The following SH2B1 variants were observed in gnomAD, a reference collection of about 807,000 sequenced individuals.
SH2B1 encodes the protein SH2B adaptor protein 1.
In SH2B1, 15 loss-of-function variants were observed where a neutral mutation model predicts 62.6. The observed-to-expected ratio is 0.24, with a 90% CI of 0.16 to 0.37. The LOEUF (loss-of-function observed/expected upper bound fraction) is 0.37, where lower values mean the gene tolerates loss of function less well. Ranked by LOEUF, SH2B1 falls within the 10% of genes least tolerant of loss-of-function variation. The probability of loss-of-function intolerance (pLI) is 1.00; values close to 1 mark genes in which losing one functional copy is unlikely to be tolerated. For missense variants in SH2B1, 925 were observed against 1,015.6 expected (o/e 0.91, Z 1.21); for synonymous variants, 443 against 438.0 (o/e 1.01, Z -0.14).
Position 28,866,646 on chromosome 16 carries a change from C to T in SH2B1, c.552C>T (p.Pro184=), listed in dbSNP as rs765188806. The T allele has an allele frequency of 2.8e-5, 45 of 1,612,872 alleles. No individual in the cohort carries two copies. Among genetic ancestry groups the T allele is most frequent in the Non-Finnish European group, 3.7e-5 (44 of 1,179,396 alleles). Residue 184 remains proline, a synonymous_variant, in exon 1 of 8, where the codon CCC becomes CCT. Coordinates refer to ENST00000684370, the MANE Select transcript of SH2B1 (RefSeq NM_001387430.1). This position sits in a 1 kb window ranked among gnomAD's most constrained non-coding sequence, Gnocchi z 6.3. ...GTVDPPSSAG[P]LETSSGPPVL... is the part of the protein sequence containing the mutation. The stretch of plus-strand genomic sequence containing the variant: ...TTGACCCTCCCTCCTCCGCTGGGCC[C>T]CTGGAGACCTCGTCAGGCCCCCCAG...
Position 28,873,903 on chromosome 16 carries a change from A to C in SH2B1, c.*83A>C. 1 of 1,281,176 alleles carries C rather than the reference A, an allele frequency of 7.8e-7. No homozygotes were observed. Among genetic ancestry groups the C allele is most frequent in the Non-Finnish European group, 1.0e-6 (1 of 1,000,732 alleles). 79.4% of individuals were successfully genotyped at this position (1,281,176 alleles called of 1,614,324 possible). On this transcript the variant is annotated 3_prime_UTR_variant, in exon 8 of 8. Transcript: ENST00000684370. This position sits in a 1 kb window ranked among gnomAD's most constrained non-coding sequence, Gnocchi z 4.2. ...CTGGGTAGGGACAGAGGAGGCCGAAATCCCTCCCCCATGCTTCCTGACCCT... is the reference window on the plus strand; with the variant it reads ...CTGGGTAGGGACAGAGGAGGCCGAACTCCCTCCCCCATGCTTCCTGACCCT...
chr16:28,868,073 C>A (rs999103737), intron 2 of SH2B1, among the ~76,000 whole-genome samples: 1 of 152,232 alleles, frequency 6.6e-6, no homozygotes, highest in Non-Finnish European at 1.5e-5. Context: ...TGATCCACCC[C>A]ACTTGGCCTC....
upstream of SH2B1, among the ~76,000 whole-genome samples, chr16:28,858,849 A>G (rs1255482793): frequency 6.6e-6 from 1 of 150,826 alleles, no homozygotes; most frequent in African/African-American, 2.4e-5. Flanking sequence ...CTGAGGCATG[A>G]GAATCACTTG....
At position 28,864,805 on chromosome 16, in the gene SH2B1, G is replaced by A; in HGVS notation, c.-1290G>A. On this transcript the variant is annotated 5_prime_UTR_variant, in exon 1 of 8. Transcript: ENST00000684370. ...CTCTAATTTCTATTTTAGAAAATTGGAACAATAATATTCTTCTCCCACATG... is the reference window on the plus strand; with the variant it reads ...CTCTAATTTCTATTTTAGAAAATTGAAACAATAATATTCTTCTCCCACATG... The A allele has an allele frequency of 2.8e-6, 1 of 356,490 alleles. No homozygotes were observed. Among genetic ancestry groups the A allele is most frequent in the Non-Finnish European group, 3.9e-6 (1 of 255,300 alleles). The allele number at this position is 356,490 out of a possible 1,614,324, so 22.1% of individuals were successfully genotyped here. A position where few individuals can be genotyped will look rare whatever the true frequency, so the allele number is the denominator to read the frequency against.
intron 1 of SH2B1, 141 bp downstream of exon 1, chr16:28,867,174 C>T (rs1962761546): frequency 7.5e-7 from 1 of 1,337,542 alleles, no homozygotes; most frequent in Non-Finnish European, 1.0e-6. Flanking sequence ...TGGCTCTTGG[C>T]TCTGTGTTAG....
At position 28,852,235 on chromosome 16, in the gene SH2B1, T is replaced by C. The variant is rs543787125; in HGVS notation, c.-301+5408T>C. Among the ~76,000 whole-genome samples the C allele has an allele frequency of 1.8e-4, 16 of 88,154 alleles. 2 individuals carry two copies. The South Asian group carries it at 6.3e-3, about 35-fold the overall frequency. The allele number at this position is 88,154 out of a possible 152,430, so 57.8% of individuals were successfully genotyped here. A position where few individuals can be genotyped will look rare whatever the true frequency, so the allele number is the denominator to read the frequency against. ...ATATATATTTACATATATATTTACA[T>C]ATATATATTTACATATATATATTTA... is the stretch of plus-strand genomic sequence containing the variant. On this transcript the variant is annotated intron_variant, in intron 1 of 10. Coordinates refer to the SH2B1 transcript ENST00000322610.
chr16:28,873,002 C>T lies in SH2B1; in HGVS notation c.1897+297C>T, dbSNP rs1056501654. ...TGTCTGTCTGTCTCCTGGACCCATCCTGGCCTCGTCTTTGCCCTCCGTCGC... is the reference window on the plus strand; with the variant it reads ...TGTCTGTCTGTCTCCTGGACCCATCTTGGCCTCGTCTTTGCCCTCCGTCGC... On this transcript the variant is annotated intron_variant, in intron 7 of 7. Transcript: ENST00000684370. The surrounding 1 kb of genome is among the most constrained non-coding windows in gnomAD (Gnocchi z 4.2). 5.6e-5 allele frequency: 36 copies of T among 639,596 alleles called. No individual in the cohort carries two copies. In the South Asian group the frequency reaches 6.8e-4, roughly 12 times the overall value. 39.6% of individuals were successfully genotyped at this position (639,596 alleles called of 1,614,324 possible). A position where few individuals can be genotyped will look rare whatever the true frequency, so the allele number is the denominator to read the frequency against.
chr16:28,873,558 C>A lies in SH2B1; in HGVS notation c.2009C>A (p.Ala670Glu). 1.9e-6 allele frequency: 3 copies of A among 1,596,500 alleles called. No homozygotes were observed. Among genetic ancestry groups the A allele is most frequent in the Non-Finnish European group, 2.6e-6 (3 of 1,172,268 alleles). The change falls in exon 8 of 8, where the codon GCA becomes GAA. Residue 670 changes from alanine (A) to glutamate (E), a missense_variant. By Grantham distance (107) the Ala-to-Glu change is moderately radical. Transcript: ENST00000684370. The surrounding 1 kb of genome is among the most constrained non-coding windows in gnomAD (Gnocchi z 4.2). ...AGGGCGCCAGAAGTGGCGGCAGCAGCAGCCGCAGCAGCCAAAGAGAGGCAA... is the reference window on the plus strand; with the variant it reads ...AGGGCGCCAGAAGTGGCGGCAGCAGAAGCCGCAGCAGCCAAAGAGAGGCAA... Reference protein sequence around the residue: ...ASRAPEVAAAAAAAAKERQEK... With the variant: ...ASRAPEVAAAEAAAAKERQEK...
At chr16:28,870,600 T>A (rs549422889) in intron 4 of SH2B1, among the ~76,000 whole-genome samples, 1 of 152,104 alleles carries the variant, frequency 6.6e-6, no homozygotes, top group Non-Finnish European at 1.5e-5. Context: ...TCTTAAGAGT[T>A]AGGGGCTTTG....
At position 28,866,030 on chromosome 16, in the gene SH2B1, C is replaced by G; in HGVS notation, c.-65C>G. ...TTCGCAGCTGCTGCCGCCCACCCCT[C>G]GTCTTCTGGCTGCCTCCCTCTTTGT... On this transcript the variant is annotated 5_prime_UTR_variant, in exon 1 of 8. Transcript: ENST00000684370. The surrounding 1 kb of genome is among the most constrained non-coding windows in gnomAD (Gnocchi z 6.3). 1 of 1,503,434 alleles carries G rather than the reference C, an allele frequency of 6.7e-7. No individual in the cohort carries two copies. Among genetic ancestry groups the G allele is most frequent in the Non-Finnish European group, 8.8e-7 (1 of 1,134,714 alleles). The allele number at this position is 1,503,434 out of a possible 1,614,324, so 93.1% of individuals were successfully genotyped here. A position where few individuals can be genotyped will look rare whatever the true frequency, so the allele number is the denominator to read the frequency against.
intron 4 of SH2B1, 38 bp downstream of exon 4, chr16:28,869,421 C>G: frequency 1.3e-6 from 2 of 1,584,728 alleles, no homozygotes; most frequent in Non-Finnish European, 1.7e-6. Flanking sequence ...AGCCTCGGAA[C>G]CTGCCATGCG....
intron 4 of SH2B1, 96 bp downstream of exon 4, chr16:28,869,479 C>G: frequency 8.7e-7 from 1 of 1,150,384 alleles, no homozygotes. Flanking sequence ...CCACTGTGCC[C>G]CCATCCCTGT....
chr16:28,866,015 C>T lies in SH2B1; in HGVS notation c.-80C>T. 1 of 1,500,400 alleles carries T rather than the reference C, an allele frequency of 6.7e-7. No homozygotes were observed. Among genetic ancestry groups the T allele is most frequent in the Non-Finnish European group, 8.8e-7 (1 of 1,133,458 alleles). The allele number at this position is 1,500,400 out of a possible 1,614,324, so 92.9% of individuals were successfully genotyped here. On this transcript the variant is annotated 5_prime_UTR_variant, in exon 1 of 8. Transcript: ENST00000684370. The surrounding 1 kb of genome is among the most constrained non-coding windows in gnomAD (Gnocchi z 6.3). ...TGCCTCTCTCTTCCTTTCGCAGCTG[C>T]TGCCGCCCACCCCTCGTCTTCTGGC...
rs1963163079 is a variant in SH2B1 at position 28,873,481 on chromosome 16, T to C, written c.1932T>C (p.Pro644=). 1 of 1,164,932 alleles carries C rather than the reference T, an allele frequency of 8.6e-7. No individual in the cohort carries two copies. Among genetic ancestry groups the C allele is most frequent in the South Asian group, 1.3e-5 (1 of 78,004 alleles). 72.2% of individuals were successfully genotyped at this position (1,164,932 alleles called of 1,614,324 possible). ...CCTCCCATGACCCACCCCAGCCCCC[T>C]GAACCCCCTTCATGGACAGATCCCC... ...PTTSHDPPQP[P]EPPSWTDPPQ... is the part of the protein sequence containing the mutation. The change falls in exon 8 of 8, where the codon CCT becomes CCC. Residue 644 remains proline (P), a synonymous_variant. Transcript: ENST00000684370. This position sits in a 1 kb window ranked among gnomAD's most constrained non-coding sequence, Gnocchi z 4.2.
chr16:28,852,758 G>T (rs867053252), intron 1 of SH2B1, among the ~76,000 whole-genome samples: 3,636 of 38,012 alleles, frequency 0.096, 830 homozygotes, highest in African/African-American at 0.31. Context: ...ACATATATAT[G>T]TATATATATA....
chr16:28,853,640 C>A (rs1010060761), intron 1 of SH2B1, among the ~76,000 whole-genome samples: 1 of 150,670 alleles, frequency 6.6e-6, no homozygotes, highest in African/African-American at 2.4e-5. Context: ...CAGGTGTGAA[C>A]CATCACGCCC....
At chr16:28,871,732 T>G in intron 4 of SH2B1, 48 bp from the exon 5 acceptor site, 1 of 1,495,382 alleles carries the variant, frequency 6.7e-7, no homozygotes, top group East Asian at 2.3e-5. Context: ...GACAGTCCTT[T>G]AGAAGAGGAA....
Position 28,866,814 on chromosome 16 carries a change from GA to G in SH2B1, c.722del (p.Lys241ArgfsTer13). On this transcript the variant is annotated frameshift_variant, in exon 1 of 8. Transcript: ENST00000684370. LOFTEE classifies it high-confidence loss of function. The surrounding 1 kb of genome is among the most constrained non-coding windows in gnomAD (Gnocchi z 6.3). ...GACTCAGTCGGGGAGGGGGCGCCTT[GA>G]AGGATGGAGCAGGGATGGTGCAGAG... ...LRLSRGGGALKDGAGMVQREE... is the reference protein window; with the variant it reads ...LRLSRGGGALXDGAGMVQREE... The G allele has an allele frequency of 6.3e-7, 1 of 1,586,242 alleles. No individual in the cohort carries two copies.
At chr16:28,853,680 C>A (rs541951920) in intron 1 of SH2B1, among the ~76,000 whole-genome samples, 1 of 151,652 alleles carries the variant, frequency 6.6e-6, no homozygotes, top group South Asian at 2.1e-4. Flanking sequence ...ATCCATTCTC[C>A]GTGCAGCAGC....
Sources: allele counts gnomAD v4.1 joint callset (sites outside exome capture counted in the v4.1 genomes callset), GRCh38; gene constraint gnomAD v4.1.1; non-coding constraint Gnocchi (gnomAD v3.1); transcripts MANE v1.5; gene names NCBI Gene and HGNC (gene_info 2026-07-23, HGNC 2026-07-21).